The following TMPO variants were observed in gnomAD, a reference collection of about 807,000 sequenced individuals.
TMPO encodes thymopoietin.
A neutral mutation model predicts 45.4 loss-of-function variants in TMPO; 22 were observed. The observed-to-expected ratio is 0.48, with a 90% CI of 0.35 to 0.69. The LOEUF (loss-of-function observed/expected upper bound fraction) is 0.69, where lower values mean the gene tolerates loss of function less well. Ranked by LOEUF, TMPO falls within the 30% of genes least tolerant of loss-of-function variation. TMPO has a pLI of 0.01. For synonymous variants in TMPO, 241 were observed against 204.1 expected, an observed-to-expected ratio of 1.18 and a Z score of -1.54; for missense variants, 512 against 548.8, an observed-to-expected ratio of 0.93 and a Z score of 0.67.
At chr12:98,537,634 A>G (rs756322230) in intron 4 of TMPO, 62 bp downstream of exon 4, 3 of 1,273,082 alleles carry the variant, frequency 2.4e-6, no homozygotes, top group East Asian at 2.5e-5. Context: ...ACACTAATCC[A>G]TGTTTTAGCC....
chr12:98,530,506 T>C (rs1877118113), intron 2 of TMPO, among the ~76,000 whole-genome samples: 1 of 104,840 alleles, frequency 9.5e-6, no homozygotes, highest in Non-Finnish European at 2.2e-5. Flanking sequence ...TTTGCTCATC[T>C]TACCAGGAGT....
Position 98,546,406 on chromosome 12 carries a change from G to C in TMPO, c.1038G>C (p.Lys346Asn). ...GAAGAGTAGAAAGGGATATTCTTAA[G>C]GAAATGTTCCCCTATGAAGCATCTA... ...EERRVERDIL[K>N]EMFPYEASTP... is the part of the protein sequence containing the mutation. The change falls in exon 8 of 9, where the codon AAG becomes AAC. Residue 346 changes from lysine to asparagine, a missense_variant. Lys to Asn is a moderately conservative substitution (Grantham distance 94). Coordinates refer to ENST00000556029, the MANE Select transcript of TMPO (RefSeq NM_001032283.3). The C allele has an allele frequency of 6.2e-7, 1 of 1,612,276 alleles. No homozygotes were observed. The highest frequency in any genetic ancestry group is 1.7e-4 in the Middle Eastern group (1 of 6,058).
chr12:98,527,351 CAAAAA>C (rs1175889026), intron 1 of TMPO, among the ~76,000 whole-genome samples: 1 of 100,672 alleles, frequency 9.9e-6, no homozygotes, highest in Admixed American at 9.6e-5. Context: ...AAAAAAAAAA[CAAAAA>C]AAAAAAACCA....
At chr12:98,526,478 A>G (rs180707156) in intron 1 of TMPO, among the ~76,000 whole-genome samples, 6 of 152,334 alleles carry the variant, frequency 3.9e-5, no homozygotes, top group Admixed American at 2.6e-4. Context: ...TGTAAGTGCT[A>G]TGTAAATAGT....
chr12:98,516,498 G>A (rs1875839831), intron 1 of TMPO: 1 of 1,090,206 alleles, frequency 9.2e-7, no homozygotes, highest in Non-Finnish European at 1.1e-6. Flanking sequence ...CTCTGGAGGG[G>A]TGGCCCCAAA....
chr12:98,528,153 T>C, intron 2 of TMPO, 141 bp downstream of exon 2: 1 of 873,006 alleles, frequency 1.1e-6, no homozygotes, highest in South Asian at 1.6e-5. Context: ...TGTGTTTCTT[T>C]GACTGTAAAT....
At chr12:98,544,186 T>C in intron 4 of TMPO, 44 bp from the exon 5 acceptor site, 2 of 1,609,254 alleles carry the variant, frequency 1.2e-6, no homozygotes, top group Non-Finnish European at 1.7e-6. Context: ...ATTAAAGTAT[T>C]TGATGTTAGA....
chr12:98,530,168 T>G (rs529738188), intron 2 of TMPO, among the ~76,000 whole-genome samples: 1 of 150,648 alleles, frequency 6.6e-6, no homozygotes, highest in Non-Finnish European at 1.5e-5. Context: ...TGAAACCTTG[T>G]CTCTATTTAA....
chr12:98,538,730 G>C (rs1018632298), intron 4 of TMPO, among the ~76,000 whole-genome samples: 14 of 152,164 alleles, frequency 9.2e-5, no homozygotes, highest in Admixed American at 7.9e-4. Context: ...CTCTTCATTT[G>C]ATGTAGTTGA....
At position 98,534,060 on chromosome 12, in the gene TMPO, A is replaced by G. The variant is rs1592946627; in HGVS notation, c.565+2222A>G. ...TGCAGGCAGACATTAGTCAAGCTGC[A>G]CAGATTCTTAGCTCAGATCCTAGTC... On this transcript the variant is annotated intron_variant, in intron 3 of 8. Transcript: ENST00000556029. 6.2e-7 allele frequency: 1 copy of G among 1,609,360 alleles called. No individual in the cohort carries two copies.
At chr12:98,535,087 T>C in intron 3 of TMPO, 2 of 947,350 alleles carry the variant, frequency 2.1e-6, no homozygotes, top group Non-Finnish European at 2.5e-6. Flanking sequence ...AACCAATTCA[T>C]GGACCAGTAC....
chr12:98,533,948 A>T, intron 3 of TMPO: 1 of 1,613,912 alleles, frequency 6.2e-7, no homozygotes. Context: ...TGCAATCAGC[A>T]GTTGGACTTA....
chr12:98,547,078 C>CTTTTTTTTTTT (rs10632560), intron 8 of TMPO, among the ~76,000 whole-genome samples: 1 of 141,680 alleles, frequency 7.1e-6, no homozygotes. Context: ...ATGCATCGAA[C>CTTTTTTTTTTT]TTTTTTTTTT....
At chr12:98,526,511 T>G (rs1876773462) in intron 1 of TMPO, among the ~76,000 whole-genome samples, 2 of 152,226 alleles carry the variant, frequency 1.3e-5, no homozygotes, top group South Asian at 4.1e-4. Context: ...TTTTTGTTAG[T>G]GTTTTTATTG....
At chr12:98,524,465 A>G (rs1471862650) in intron 1 of TMPO, among the ~76,000 whole-genome samples, 2 of 152,052 alleles carry the variant, frequency 1.3e-5, no homozygotes, top group Non-Finnish European at 2.9e-5. Context: ...CCAGATACTC[A>G]GGAGGCTGAG....
At chr12:98,544,778 G>A (rs1209216455) in intron 6 of TMPO, 173 bp from the exon 7 acceptor site, 2 of 658,686 alleles carry the variant, frequency 3.0e-6, no homozygotes, top group African/African-American at 1.8e-5. Flanking sequence ...TAAAATATTT[G>A]AAGAATGAGG....
intron 1 of TMPO, among the ~76,000 whole-genome samples, chr12:98,520,956 A>G (rs989362981): frequency 1.3e-5 from 2 of 152,118 alleles, no homozygotes; most frequent in Admixed American, 1.3e-4. Flanking sequence ...TATTTATATT[A>G]TAGGAGAAAG....
At chr12:98,518,691 G>T (rs1299794290) in intron 1 of TMPO, among the ~76,000 whole-genome samples, 1 of 151,392 alleles carries the variant, frequency 6.6e-6, no homozygotes, top group African/African-American at 2.4e-5. Context: ...TCTTTTGGGG[G>T]GTAAGAAGAC....
chr12:98,542,320 A>G (rs1189852757), intron 4 of TMPO, among the ~76,000 whole-genome samples: 4 of 151,986 alleles, frequency 2.6e-5, no homozygotes, highest in Admixed American at 2.6e-4. Flanking sequence ...GAGTAACCAT[A>G]TTGGTCATGT....
Sources: gnomAD v4.1 joint callset for allele counts (sites outside exome capture counted in the v4.1 genomes callset) on GRCh38, gnomAD v4.1.1 for gene constraint, MANE v1.5 for transcripts, NCBI Gene and HGNC (gene_info 2026-07-23, HGNC 2026-07-21) for gene names.